The following NCKAP1 variants were observed in gnomAD, a reference collection of about 807,000 sequenced individuals.
NCKAP1 encodes the protein NCK associated protein 1, also known as nck-associated protein 1.
A neutral mutation model predicts 151.2 loss-of-function variants in NCKAP1; 21 were observed. The observed-to-expected ratio is 0.14, with a 90% CI of 0.10 to 0.20. The LOEUF (loss-of-function observed/expected upper bound fraction) is 0.20, where lower values mean the gene tolerates loss of function less well. Among genes scored for constraint, NCKAP1 ranks in the 10% least tolerant of loss-of-function variants. The pLI, the probability that NCKAP1 is intolerant of heterozygous loss-of-function variation, is 1.00. For missense variants in NCKAP1, 933 were observed against 1,352.1 expected (o/e 0.69, Z 4.86); for synonymous variants, 484 against 451.8 (o/e 1.07, Z -0.90).
chr2:182,924,072 C>G lies in NCKAP1; in HGVS notation c.*1630G>C, dbSNP rs1035107451. ...AAACGGCATTAAATCTTAGTTTTGA[C>G]TGCTCACTGTGTAAATCAGACTATT... is the stretch of plus-strand genomic sequence containing the variant. On this transcript the variant is annotated 3_prime_UTR_variant, in exon 31 of 31. Coordinates refer to ENST00000361354, the MANE Select transcript of NCKAP1 (RefSeq NM_013436.5). 1 of 152,196 alleles carries G rather than the reference C, an allele frequency of 6.6e-6. No individual in the cohort carries two copies. Among genetic ancestry groups the G allele is most frequent in the Non-Finnish European group, 1.5e-5 (1 of 68,030 alleles). The allele number at this position is 152,196 out of a possible 1,614,324, so 9.4% of individuals were successfully genotyped here. A position where few individuals can be genotyped will look rare whatever the true frequency, so the allele number is the denominator to read the frequency against.
At chr2:182,973,515 A>C (rs1351409428) in intron 15 of NCKAP1, among the ~76,000 whole-genome samples, 1 of 152,102 alleles carries the variant, frequency 6.6e-6, no homozygotes, top group East Asian at 1.9e-4. Context: ...GAGAAAGATG[A>C]AAGTGACCTA....
Position 182,976,865 on chromosome 2 carries a change from C to A in NCKAP1, c.1482+28G>T. Reference sequence around the variant, plus strand: ...TTTCATGTTAACTAAAATAACAAAACAGAATGACAATAAAAGGTTATTCTT... The same window carrying A: ...TTTCATGTTAACTAAAATAACAAAAAAGAATGACAATAAAAGGTTATTCTT... On this transcript the variant is annotated intron_variant, in intron 15 of 30. Transcript: ENST00000361354. The A allele has an allele frequency of 2.9e-6, 4 of 1,390,784 alleles. No homozygotes were observed. In the East Asian group the frequency reaches 1.0e-4, roughly 35 times the overall value. 86.2% of individuals were successfully genotyped at this position (1,390,784 alleles called of 1,614,324 possible).
At chr2:182,927,359 T>C (rs1355882920) in intron 29 of NCKAP1, 1 of 152,356 alleles carries the variant, frequency 6.6e-6, no homozygotes, top group Admixed American at 6.6e-5. Flanking sequence ...AAATTTTTAA[T>C]AGTGTTTTCC....
At chr2:182,990,184 A>G (rs1698139170) in intron 8 of NCKAP1, among the ~76,000 whole-genome samples, 1 of 151,912 alleles carries the variant, frequency 6.6e-6, no homozygotes, top group African/African-American at 2.4e-5. Context: ...AGTAGACAAG[A>G]CAGGTGGTAT....
chr2:182,935,118 A>G (rs917018142), intron 25 of NCKAP1, 175 bp downstream of exon 25: 1 of 595,430 alleles, frequency 1.7e-6, no homozygotes, highest in African/African-American at 1.9e-5. Flanking sequence ...CAGCAGTACC[A>G]AAACAAAAAA....
intron 1 of NCKAP1, among the ~76,000 whole-genome samples, chr2:183,035,537 A>G (rs1699085535): frequency 6.6e-6 from 1 of 151,936 alleles, no homozygotes; most frequent in Admixed American, 6.5e-5. Context: ...TTTTTTTTTA[A>G]GACTAGAAGA....
At chr2:182,988,311 A>G (rs139703256) in intron 9 of NCKAP1, among the ~76,000 whole-genome samples, 58 of 152,340 alleles carry the variant, frequency 3.8e-4, no homozygotes, top group African/African-American at 1.3e-3. Context: ...TGTGAAATAA[A>G]TATAAGCAAA....
chr2:182,952,526 T>C (rs764681588), intron 22 of NCKAP1, 24 bp from the exon 23 acceptor site: 5 of 1,502,132 alleles, frequency 3.3e-6, no homozygotes, highest in African/African-American at 2.8e-5. Context: ...TACTTAATTT[T>C]ATACTTCCGA....
intron 15 of NCKAP1, among the ~76,000 whole-genome samples, chr2:182,972,070 A>G (rs575951575): frequency 6.6e-6 from 1 of 152,208 alleles, no homozygotes; most frequent in Non-Finnish European, 1.5e-5. Context: ...GATAAATAGG[A>G]TCACATTAAG....
intron 29 of NCKAP1, chr2:182,927,351 AT>A (rs890008502): frequency 6.6e-6 from 1 of 152,364 alleles, no homozygotes; most frequent in Non-Finnish European, 1.5e-5. Flanking sequence ...AACACTTAAA[AT>A]TTTTAATAGT....
At chr2:182,942,199 A>G in intron 23 of NCKAP1, 36 bp from the exon 24 acceptor site, 1 of 1,523,172 alleles carries the variant, frequency 6.6e-7, no homozygotes, top group South Asian at 1.2e-5. Flanking sequence ...TCAGGCACAG[A>G]CCTCTTTGTG....
chr2:183,013,064 AT>A (rs1698618991), intron 2 of NCKAP1, among the ~76,000 whole-genome samples: 2 of 152,042 alleles, frequency 1.3e-5, no homozygotes, highest in Non-Finnish European at 2.9e-5. Flanking sequence ...TCTCAACCTG[AT>A]TTCATGATCA....
intron 4 of NCKAP1, among the ~76,000 whole-genome samples, chr2:183,002,665 A>G (rs1402440061): frequency 8.4e-6 from 1 of 119,738 alleles, no homozygotes; most frequent in Admixed American, 8.1e-5. Flanking sequence ...TCATACTAAG[A>G]AAGAGTCCAT....
At chr2:182,986,141 A>G (rs1698051782) in intron 10 of NCKAP1, 30 bp downstream of exon 10, 1 of 1,605,314 alleles carries the variant, frequency 6.2e-7, no homozygotes, top group Non-Finnish European at 8.5e-7. Flanking sequence ...TCTTGATTAA[A>G]GCTACCACGG....
chr2:182,984,723 C>T lies in NCKAP1; in HGVS notation c.1005-1341G>A, dbSNP rs1444962363. Among the ~76,000 whole-genome samples the T allele has an allele frequency of 2.6e-5, 4 of 152,084 alleles. No homozygotes were observed. In the South Asian group the frequency reaches 8.3e-4, roughly 32 times the overall value. ...TTTTTACTGACAATAATAAAGTCAT[C>T]GTGTCATTTCCAAGAAGAAAATGAA... On this transcript the variant is annotated intron_variant, in intron 10 of 30. Coordinates refer to ENST00000361354, the MANE Select transcript of NCKAP1 (RefSeq NM_013436.5).
intron 2 of NCKAP1, among the ~76,000 whole-genome samples, chr2:183,010,402 A>T (rs1405096089): frequency 6.6e-6 from 1 of 152,190 alleles, no homozygotes; most frequent in Non-Finnish European, 1.5e-5. Context: ...CCCATCCCCC[A>T]GAATGCACCA....
intron 20 of NCKAP1, among the ~76,000 whole-genome samples, chr2:182,954,024 T>C (rs1400981255): frequency 6.6e-6 from 1 of 152,104 alleles, no homozygotes; most frequent in African/African-American, 2.4e-5. Flanking sequence ...TTATATAAAT[T>C]ACCTACAATC....
At chr2:182,946,436 T>C (rs889555339) in intron 23 of NCKAP1, among the ~76,000 whole-genome samples, 2 of 151,574 alleles carry the variant, frequency 1.3e-5, no homozygotes, top group Non-Finnish European at 2.9e-5. Flanking sequence ...CAGGGCCTAC[T>C]TGAAGGTAGA....
intron 28 of NCKAP1, 74 bp downstream of exon 28, chr2:182,928,704 GAACTT>G: frequency 1.0e-6 from 1 of 981,480 alleles, no homozygotes; most frequent in Non-Finnish European, 1.5e-6. Context: ...GTTAGTGGCA[GAACTT>G]AACTCATATT....
Sources: gnomAD v4.1 joint callset for allele counts (sites outside exome capture counted in the v4.1 genomes callset) on GRCh38, gnomAD v4.1.1 for gene constraint, MANE v1.5 for transcripts, NCBI Gene and HGNC (gene_info 2026-07-23, HGNC 2026-07-21) for gene names.